Variants in CCL24 observed in about 807,000 individuals in gnomAD.
The protein encoded by CCL24 is C-C motif chemokine 24.
Under a neutral mutation model 8.6 loss-of-function variants are expected in CCL24, and 6 were observed. The observed-to-expected ratio is 0.70, with a 90% CI of 0.38 to 1.38. The LOEUF (loss-of-function observed/expected upper bound fraction) is 1.38, where lower values mean the gene tolerates loss of function less well. Ranked by LOEUF, CCL24 falls within the 40% of genes most tolerant of loss-of-function variation. The pLI, the probability that CCL24 is intolerant of heterozygous loss-of-function variation, is 0.02. For synonymous variants in CCL24, 59 were observed against 52.7 expected (o/e 1.12, Z -0.52); for missense variants, 126 against 147.1 (o/e 0.86, Z 0.74).
chr7:75,822,778 G>A lies in CCL24; in HGVS notation c.-60+544C>T, dbSNP rs1381803434. On this transcript the variant is annotated intron_variant, in intron 1 of 3. Coordinates refer to the CCL24 transcript ENST00000416943. ...CAGGAGGCGGAGGTTGCAGTGAGCC[G>A]AGATTGTGCCACTGCACTTCAGCCT... Among the ~76,000 whole-genome samples, 6 of 152,060 alleles carry A rather than the reference G, an allele frequency of 3.9e-5. No homozygotes were observed. In the East Asian group the frequency reaches 5.8e-4, roughly 15 times the overall value.
At chr7:75,822,113 A>G (rs1804063857) in intron 1 of CCL24, among the ~76,000 whole-genome samples, 1 of 151,540 alleles carries the variant, frequency 6.6e-6, no homozygotes, top group Non-Finnish European at 1.5e-5. Context: ...AAAAAAAAAG[A>G]AAAAAAATCA....
At chr7:75,812,106 A>T (rs1803778406) in intron 2 of CCL24, 142 bp from the exon 3 acceptor site, 1 of 649,816 alleles carries the variant, frequency 1.5e-6, no homozygotes, top group Admixed American at 2.9e-5. Flanking sequence ...TCATTTTTTG[A>T]CACAGGGTCT....
upstream of CCL24, among the ~76,000 whole-genome samples, chr7:75,818,483 A>G (rs1312107410): frequency 6.6e-6 from 1 of 151,694 alleles, no homozygotes; most frequent in Admixed American, 6.6e-5. Flanking sequence ...TGGTTAGGTA[A>G]AAAGAGAAAG....
intron 2 of CCL24, 144 bp downstream of exon 2, chr7:75,813,162 G>C: frequency 1.7e-6 from 1 of 572,832 alleles, no homozygotes; most frequent in Non-Finnish European, 3.1e-6. Context: ...TAGTTTTATG[G>C]GCAAGGAAGT....
intron 1 of CCL24, among the ~76,000 whole-genome samples, chr7:75,819,007 G>A (rs944665372): frequency 6.7e-6 from 1 of 148,450 alleles, no homozygotes; most frequent in Non-Finnish European, 1.5e-5. Flanking sequence ...CAGGGCTCAC[G>A]CTTGTAATCC....
rs1803763148 is a variant in CCL24, at chr7:75,811,667, C to T, written c.*129G>A. The T allele has an allele frequency of 1.3e-6, 1 of 780,602 alleles. No homozygotes were observed. Among genetic ancestry groups the T allele is most frequent in the Non-Finnish European group, 2.0e-6 (1 of 504,348 alleles). 48.4% of individuals were successfully genotyped at this position (780,602 alleles called of 1,614,324 possible). The stretch of plus-strand genomic sequence containing the variant: ...CCTCGGGTTTTTCATAGAAGAGACA[C>T]ATCCCTGGAGAGTGTTGCTAAGAAA... On this transcript the variant is annotated 3_prime_UTR_variant, in exon 3 of 3. Transcript: ENST00000222902.
upstream of CCL24, chr7:75,813,896 G>T (rs1403179600): frequency 4.8e-5 from 25 of 525,326 alleles, no homozygotes; most frequent in South Asian, 4.6e-4. Context: ...AAATCCTGAG[G>T]CCTGTGGTCT....
chr7:75,819,305 T>TAC lies in CCL24; in HGVS notation c.-60+4016_-60+4017insGT, dbSNP rs1803974611. ...AAAAAAAAAAAAAAAAAAAAAAAAA[T>TAC]ATATATATATATATATATATATATA... On this transcript the variant is annotated intron_variant, in intron 1 of 3. Transcript: ENST00000416943. 5.4e-4 allele frequency among the ~76,000 whole-genome samples: 4 copies of TAC among 7,424 alleles called. 1 individual carries two copies. The highest frequency in any genetic ancestry group is 1.4e-3 in the African/African-American group (4 of 2,792). 4.9% of individuals were successfully genotyped at this position (7,424 alleles called of 152,430 possible).
rs1344147507 is a variant in CCL24, at chr7:75,813,403, G to A, written c.94C>T (p.Pro32Ser). The A allele has an allele frequency of 1.9e-6, 3 of 1,612,040 alleles. No individual in the cohort carries two copies. The highest frequency in any genetic ancestry group is 1.3e-5 in the African/African-American group (1 of 74,900). Reference protein sequence around the residue: ...IPTGSVVIPSPCCMFFVSKRI... With the variant: ...IPTGSVVIPSSCCMFFVSKRI... ...TTGGAAACAAAGAACATGCAGCAGG[G>A]AGAGGGGATGACCACAGAGCCTAGA... The change falls in exon 2 of 3, where the codon CCC (proline) becomes TCC (serine). Residue 32 changes from proline to serine, a missense_variant. Coordinates refer to ENST00000222902, the MANE Select transcript of CCL24 (RefSeq NM_002991.3).
chr7:75,813,924 G>A (rs567415190), upstream of CCL24: 9 of 462,062 alleles, frequency 1.9e-5, no homozygotes, highest in South Asian at 1.9e-4. Context: ...GGAAGTTGTT[G>A]TCCCGTTGTT....
At chr7:75,819,144 T>C (rs1242990502) in intron 1 of CCL24, among the ~76,000 whole-genome samples, 1 of 147,736 alleles carries the variant, frequency 6.8e-6, no homozygotes, top group Non-Finnish European at 1.5e-5. Flanking sequence ...GGCACATGAC[T>C]GTAATCCCAG....
chr7:75,817,845 T>C (rs1219800849), upstream of CCL24, among the ~76,000 whole-genome samples: 1 of 149,852 alleles, frequency 6.7e-6, no homozygotes, highest in African/African-American at 2.5e-5. Context: ...GTTTGTTTTG[T>C]TTTCAGACAC....
In CCL24 at chr7:75,813,273, C is replaced by G. The variant is rs782069757; in HGVS notation, c.191+33G>C. The G allele has an allele frequency of 8.1e-6, 11 of 1,358,894 alleles. No homozygotes were observed. In the African/African-American group the frequency reaches 1.3e-4, roughly 16 times the overall value. 84.2% of individuals were successfully genotyped at this position (1,358,894 alleles called of 1,614,324 possible). On this transcript the variant is annotated intron_variant, in intron 2 of 2. Coordinates refer to ENST00000222902, the MANE Select transcript of CCL24 (RefSeq NM_002991.3). ...CCTGGAGTTGCACCTGCCCCCACCC[C>G]TCTCCTGCCACGTGCCCATGAAGGA...
chr7:75,822,586 C>A (rs969741168), intron 1 of CCL24, among the ~76,000 whole-genome samples: 1 of 151,176 alleles, frequency 6.6e-6, no homozygotes, highest in Non-Finnish European at 1.5e-5. Flanking sequence ...GTGATCCCAG[C>A]ACTTTGGGTG....
At position 75,819,168 on chromosome 7, in the gene CCL24, T is replaced by C. The variant is rs1450076284; in HGVS notation, c.-60+4154A>G. Among the ~76,000 whole-genome samples the C allele has an allele frequency of 6.4e-5, 9 of 141,026 alleles. No individual in the cohort carries two copies. In the East Asian group the frequency reaches 1.5e-3, roughly 23 times the overall value. 92.5% of individuals were successfully genotyped at this position (141,026 alleles called of 152,430 possible). On this transcript the variant is annotated intron_variant, in intron 1 of 3. Transcript: ENST00000416943. ...CTGTAATCCCAGCTGCTCGGGAGGC[T>C]GAGGCACAAGAATCTCTTGAACCTG... is the stretch of plus-strand genomic sequence containing the variant.
chr7:75,821,855 G>A (rs1479395200), intron 1 of CCL24, among the ~76,000 whole-genome samples: 2 of 151,084 alleles, frequency 1.3e-5, no homozygotes, highest in South Asian at 2.1e-4. Context: ...GTGAACCCGG[G>A]AGGCGGAGCT....
At chr7:75,820,722 T>A (rs1312012341) in intron 1 of CCL24, among the ~76,000 whole-genome samples, 7 of 140,330 alleles carry the variant, frequency 5.0e-5, no homozygotes, top group Admixed American at 1.5e-4. Context: ...CATCTACCCA[T>A]CCACCCATCC....
rs1230641091 is a variant in CCL24, at chr7:75,820,414, C to T, written c.-60+2908G>A. 5.9e-5 allele frequency among the ~76,000 whole-genome samples: 9 copies of T among 152,120 alleles called. No homozygotes were observed. The East Asian group carries it at 1.7e-3, about 29-fold the overall frequency. On this transcript the variant is annotated intron_variant, in intron 1 of 3. Transcript: ENST00000416943. ...CAGACTGGTCTCGAACTCCTGGCCT[C>T]AGGTGATCTGCCAGCCTTGGCCTCC...
intron 1 of CCL24, 21 bp downstream of exon 1, chr7:75,813,622 G>T: frequency 1.2e-6 from 2 of 1,600,196 alleles, no homozygotes; most frequent in South Asian, 1.1e-5. Context: ...CCTTGGAACT[G>T]CATCCTGTCG....
Sources: gnomAD v4.1 joint callset for allele counts (sites outside exome capture counted in the v4.1 genomes callset) on GRCh38, gnomAD v4.1.1 for gene constraint, MANE v1.5 for transcripts, NCBI Gene and HGNC (gene_info 2026-07-23, HGNC 2026-07-21) for gene names.